UGT2B4: variants seen among roughly 807,000 people sequenced by gnomAD.
UGT2B4 encodes the protein UDP glucuronosyltransferase family 2 member B4, also known as UDP-glucuronosyltransferase 2B4.
A neutral mutation model predicts 49.8 loss-of-function variants in UGT2B4; 49 were observed. That is an observed-to-expected ratio of 0.98 (90% CI 0.78 to 1.25). The LOEUF (loss-of-function observed/expected upper bound fraction) is 1.25, where lower values mean the gene tolerates loss of function less well. UGT2B4 is among the 50% of genes most tolerant of loss of function. The pLI, the probability that UGT2B4 is intolerant of heterozygous loss-of-function variation, is 0.00. For synonymous variants in UGT2B4, 246 were observed against 217.7 expected (o/e 1.13, Z -1.14); for missense variants, 729 against 627.7 (o/e 1.16, Z -1.73).
At chr4:69,487,686 C>T (rs1053994401) in intron 3 of UGT2B4, among the ~76,000 whole-genome samples, 8 of 151,982 alleles carry the variant, frequency 5.3e-5, no homozygotes, top group African/African-American at 1.7e-4. Context: ...ATACAACAAA[C>T]CCCAAGACAT....
intron 1 of UGT2B4, among the ~76,000 whole-genome samples, chr4:69,511,643 G>A (rs12645210): frequency 0.35 from 53,270 of 151,610 alleles, 9,386 homozygotes; most frequent in Non-Finnish European, 0.37. Context: ...TTTCTGTCGC[G>A]TGTTTGTCTG....
rs771043325 is a variant in UGT2B4, at chr4:69,495,622, A to G, written c.240T>C (p.Ser80=). ...STLKFEVYPV[S]LTKTEFEDII... ...TATCCTCAAACTCAGTTTTAGTTAA[A>G]GATACAGGATAAACTTCAAATTTAA... Residue 80 remains serine (S), a synonymous_variant, in exon 1 of 6, where the codon TCT becomes TCC. Coordinates refer to ENST00000305107, the MANE Select transcript of UGT2B4 (RefSeq NM_021139.3). The G allele has an allele frequency of 6.2e-7, 1 of 1,614,000 alleles. No homozygotes were observed.
chr4:69,509,833 C>T (rs963803707), intron 1 of UGT2B4, among the ~76,000 whole-genome samples: 14 of 151,774 alleles, frequency 9.2e-5, no homozygotes, highest in African/African-American at 3.4e-4. Flanking sequence ...GTTTTCTTTG[C>T]TGTGTAGAAT....
upstream of UGT2B4, among the ~76,000 whole-genome samples, chr4:69,499,124 A>C (rs1444914858): frequency 2.6e-5 from 4 of 152,152 alleles, no homozygotes; most frequent in Admixed American, 1.3e-4. Context: ...TTACTTACTC[A>C]GGAGTCATTC....
chr4:69,518,611 T>C (rs756300382), intron 1 of UGT2B4, among the ~76,000 whole-genome samples: 7 of 152,140 alleles, frequency 4.6e-5, no homozygotes, highest in Non-Finnish European at 7.4e-5. Flanking sequence ...GGAAATAAAA[T>C]ACCTAAAATA....
chr4:69,480,949 G>A (rs781139767), intron 5 of UGT2B4, 39 bp from the exon 6 acceptor site: 2 of 1,601,590 alleles, frequency 1.2e-6, no homozygotes, highest in Middle Eastern at 1.7e-4. Flanking sequence ...TTGAAAGTAA[G>A]TTAATTTGGC....
In UGT2B4 at chr4:69,503,946, G is replaced by A. The variant is rs1055596718; in HGVS notation, c.-105-7980C>T. On this transcript the variant is annotated intron_variant, in intron 1 of 1. Coordinates refer to the UGT2B4 transcript ENST00000510114. ...TAGAAGTCCACTGGAGTTAAAGCACGTGGTCCAGGAGTTGGGAACAGAATG... is the reference window on the plus strand; with the variant it reads ...TAGAAGTCCACTGGAGTTAAAGCACATGGTCCAGGAGTTGGGAACAGAATG... 7.2e-5 allele frequency among the ~76,000 whole-genome samples: 11 copies of A among 152,212 alleles called. 1 individual carries two copies. The highest frequency in any genetic ancestry group is 1.3e-4 in the Admixed American group (2 of 15,278).
At chr4:69,523,210 A>G (rs1197653403) in intron 1 of UGT2B4, among the ~76,000 whole-genome samples, 1 of 151,936 alleles carries the variant, frequency 6.6e-6, no homozygotes, top group South Asian at 2.1e-4. Context: ...TACTTCAAAT[A>G]TCTTCTAAAA....
rs756596732 is a variant in UGT2B4 at position 69,480,779 on chromosome 4, T to A, written c.1442A>T (p.His481Leu). 2.5e-6 allele frequency: 4 copies of A among 1,614,020 alleles called. No homozygotes were observed. The highest frequency in any genetic ancestry group is 3.4e-6 in the Non-Finnish European group (4 of 1,179,900). Residue 481 changes from histidine (H) to leucine (L), a missense_variant, in exon 6 of 6, where the codon CAC becomes CTC. Physicochemically the swap from His to Leu is moderately conservative, Grantham distance 99. Coordinates refer to ENST00000305107, the MANE Select transcript of UGT2B4 (RefSeq NM_021139.3). ...GTGGTACTGGAACCAGGTGAGGTCG[T>A]GGGCTGCAACCCGAAGGTGCTTGGC... Reference protein sequence around the residue: ...KGAKHLRVAAHDLTWFQYHSL... With the variant: ...KGAKHLRVAALDLTWFQYHSL...
At chr4:69,522,720 A>G (rs1215050926) in intron 1 of UGT2B4, among the ~76,000 whole-genome samples, 2 of 152,182 alleles carry the variant, frequency 1.3e-5, no homozygotes, top group Non-Finnish European at 1.5e-5. Flanking sequence ...CTAATGCAAT[A>G]ACATTTGTCA....
chr4:69,525,324 G>T (rs1208639570), intron 1 of UGT2B4, among the ~76,000 whole-genome samples: 2 of 152,114 alleles, frequency 1.3e-5, no homozygotes, highest in Non-Finnish European at 2.9e-5. Context: ...GAAGAACAGA[G>T]ATTAAATTTG....
chr4:69,505,931 C>G (rs1199754103), intron 1 of UGT2B4, among the ~76,000 whole-genome samples: 1 of 152,082 alleles, frequency 6.6e-6, no homozygotes, highest in Non-Finnish European at 1.5e-5. Context: ...CATACAATTA[C>G]ATTGAACGAC....
At chr4:69,504,909 G>T (rs1728431198) in intron 1 of UGT2B4, among the ~76,000 whole-genome samples, 1 of 152,114 alleles carries the variant, frequency 6.6e-6, no homozygotes, top group South Asian at 2.1e-4. Context: ...GTACCTCTCA[G>T]CTGAAACCCT....
intron 3 of UGT2B4, among the ~76,000 whole-genome samples, chr4:69,488,058 C>CA (rs926361999): frequency 3.3e-5 from 5 of 152,110 alleles, no homozygotes; most frequent in African/African-American, 9.6e-5. Flanking sequence ...ATTAATGCTG[C>CA]AAAGGTAGCA....
At chr4:69,513,990 T>C (rs1411112208) in intron 1 of UGT2B4, among the ~76,000 whole-genome samples, 1 of 137,410 alleles carries the variant, frequency 7.3e-6, no homozygotes. Context: ...ATGATGGGGT[T>C]TTATTTTATT....
intron 1 of UGT2B4, chr4:69,517,847 C>A: frequency 5.8e-6 from 1 of 172,620 alleles, no homozygotes; most frequent in South Asian, 1.8e-4. Context: ...GGAAGTTTCC[C>A]AGAGCTTCAC....
chr4:69,495,281 A>G lies in UGT2B4; in HGVS notation c.581T>C (p.Val194Ala). ...SGGLLFPPSY[V>A]PVVMSELSDQ... ...ACTTAGTTCTGACATAACAACAGGC[A>G]CATAGGAAGGAGGGAACAGAAGTCC... The change falls in exon 1 of 6, where the codon GTG becomes GCG. Residue 194 changes from valine (V) to alanine (A), a missense_variant. By Grantham distance (64) the Val-to-Ala change is moderately conservative. Transcript: ENST00000305107. 1 of 1,613,506 alleles carries G rather than the reference A, an allele frequency of 6.2e-7. No individual in the cohort carries two copies. The highest frequency in any genetic ancestry group is 1.1e-5 in the South Asian group (1 of 90,940).
rs1262454989 is a variant in UGT2B4 at position 69,495,129 on chromosome 4, A to G, written c.721+12T>C. 5 of 1,510,052 alleles carry G rather than the reference A, an allele frequency of 3.3e-6. No homozygotes were observed. The South Asian group carries it at 5.7e-5, about 17-fold the overall frequency. 93.5% of individuals were successfully genotyped at this position (1,510,052 alleles called of 1,614,324 possible). ...TTAGATCTTCATGTTACCAATCAAA[A>G]AAGTTACTTACCTAGAACTTCACTG... On this transcript the variant is annotated intron_variant, in intron 1 of 5. Transcript: ENST00000305107.
chr4:69,511,082 C>T (rs1241327204), intron 1 of UGT2B4, among the ~76,000 whole-genome samples: 5 of 150,356 alleles, frequency 3.3e-5, no homozygotes, highest in Non-Finnish European at 1.5e-5. Flanking sequence ...ACCTCTGCCT[C>T]CCAGGTTCAA....
Sources: allele counts gnomAD v4.1 joint callset (sites outside exome capture counted in the v4.1 genomes callset), GRCh38; gene constraint gnomAD v4.1.1; transcripts MANE v1.5; gene names NCBI Gene and HGNC (gene_info 2026-07-23, HGNC 2026-07-21).